Variants in ATP5F1A observed in about 807,000 individuals in gnomAD.
ATP5F1A encodes the protein ATP synthase F1 subunit alpha, also known as ATP synthase F(1) complex subunit alpha, mitochondrial.
A neutral mutation model predicts 57.4 loss-of-function variants in ATP5F1A; 24 were observed. That is an observed-to-expected ratio of 0.42 (90% CI 0.30 to 0.59). ATP5F1A has a LOEUF of 0.59. Ranked by LOEUF, ATP5F1A falls within the 20% of genes least tolerant of loss-of-function variation. ATP5F1A has a pLI of 0.19. For missense variants in ATP5F1A, 494 were observed against 707.9 expected, an observed-to-expected ratio of 0.70 and a Z score of 3.43; for synonymous variants, 251 against 255.5, an observed-to-expected ratio of 0.98 and a Z score of 0.17.
At position 46,087,543 on chromosome 18, in the gene ATP5F1A, G is replaced by C. The variant is rs1248604304; in HGVS notation, c.800-51C>G. On this transcript the variant is annotated intron_variant, in intron 6 of 11. Coordinates refer to ENST00000398752, the MANE Select transcript of ATP5F1A (RefSeq NM_004046.6). ...ATCAATATTGTGGTTTTAAATTGGA[G>C]GCTACTATAAAAATTACCTAAGTGC... 5 of 1,585,890 alleles carry C rather than the reference G, an allele frequency of 3.2e-6. No homozygotes were observed. The Admixed American group carries it at 8.9e-5, about 28-fold the overall frequency.
intron 3 of ATP5F1A, among the ~76,000 whole-genome samples, chr18:46,091,345 G>T (rs1910536872): frequency 6.6e-6 from 1 of 152,184 alleles, no homozygotes; most frequent in African/African-American, 2.4e-5. Context: ...GAAAAATTTT[G>T]TTGAAGTTAT....
chr18:46,098,773 G>T (rs753614774), upstream of ATP5F1A, among the ~76,000 whole-genome samples: 1 of 152,196 alleles, frequency 6.6e-6, no homozygotes, highest in African/African-American at 2.4e-5. Context: ...GCAGATCTTA[G>T]CCCCACTTCA....
chr18:46,097,985 C>A (rs1403065853), intron 1 of ATP5F1A, 187 bp downstream of exon 1: 2 of 1,410,280 alleles, frequency 1.4e-6, no homozygotes. Context: ...TACCATTCTG[C>A]CTCTGCGCAG....
intron 1 of ATP5F1A, chr18:46,097,840 T>G (rs531103646): frequency 9.2e-5 from 104 of 1,134,562 alleles, no homozygotes; most frequent in Non-Finnish European, 1.1e-4. Context: ...CCTCACCGAT[T>G]CAGAACAGGC....
At chr18:46,099,126 G>A (rs369523686), upstream of ATP5F1A, among the ~76,000 whole-genome samples, 9 of 152,098 alleles carry the variant, frequency 5.9e-5, no homozygotes, top group African/African-American at 2.2e-4. Context: ...CAATCACAAG[G>A]AGGCCTAGAA....
Position 46,081,674 on chromosome 18 carries a change from A to AT in ATP5F1A, c.*2607_*2608insA, listed in dbSNP as rs1909749766. 1.2e-5 allele frequency: 1 copy of AT among 86,088 alleles called. No individual in the cohort carries two copies. The highest frequency in any genetic ancestry group is 5.1e-5 in the African/African-American group (1 of 19,436). 5.3% of individuals were successfully genotyped at this position (86,088 alleles called of 1,614,324 possible). ...AGCAAAACTCTCAAAAAAAAAAAAC[A>AT]AAAAAAAAAAAAAAAAAAAAAAACG... On this transcript the variant is annotated 3_prime_UTR_variant, in exon 12 of 12. Transcript: ENST00000398752.
chr18:46,084,038 C>T lies in ATP5F1A; in HGVS notation c.*244G>A. On this transcript the variant is annotated 3_prime_UTR_variant, in exon 12 of 12. Coordinates refer to ENST00000398752, the MANE Select transcript of ATP5F1A (RefSeq NM_004046.6). ...AAGAGCTCAGCCTTGAATTATCTAG[C>T]CCAGTTGACTGTACCAATATTCAAG... 2.6e-6 allele frequency: 1 copy of T among 385,330 alleles called. No homozygotes were observed. The highest frequency in any genetic ancestry group is 4.6e-6 in the Non-Finnish European group (1 of 218,868). The allele number at this position is 385,330 out of a possible 1,614,324, so 23.9% of individuals were successfully genotyped here.
Position 46,082,557 on chromosome 18 carries a change from G to A in ATP5F1A, c.*1725C>T. 6.6e-6 allele frequency: 1 copy of A among 152,052 alleles called. No homozygotes were observed. The highest frequency in any genetic ancestry group is 1.5e-5 in the Non-Finnish European group (1 of 68,086). 9.4% of individuals were successfully genotyped at this position (152,052 alleles called of 1,614,324 possible). ...AAATTAGCAGGGCATGGTGGTGGGTGCCTGTAGTTCCAGCTTCTCGGGAGG... is the reference window on the plus strand; with the variant it reads ...AAATTAGCAGGGCATGGTGGTGGGTACCTGTAGTTCCAGCTTCTCGGGAGG... On this transcript the variant is annotated 3_prime_UTR_variant, in exon 12 of 12. Coordinates refer to ENST00000398752, the MANE Select transcript of ATP5F1A (RefSeq NM_004046.6).
chr18:46,099,679 C>T (rs1022135084), upstream of ATP5F1A, among the ~76,000 whole-genome samples: 1 of 151,968 alleles, frequency 6.6e-6, no homozygotes, highest in African/African-American at 2.4e-5. Flanking sequence ...AGGCTGGTCT[C>T]GAACTCCTGG....
exon 1 of ATP5F1A, chr18:46,104,211 G>T: frequency 2.4e-6 from 1 of 417,798 alleles, no homozygotes. Context: ...AAGTGGCAAC[G>T]AAGCGAGGCT....
intron 1 of ATP5F1A, among the ~76,000 whole-genome samples, chr18:46,103,548 C>G (rs1257332891): frequency 7.3e-6 from 1 of 137,588 alleles, no homozygotes; most frequent in African/African-American, 2.8e-5. Flanking sequence ...TGGCAGTGAG[C>G]TGAGAGCCGA....
upstream of ATP5F1A, among the ~76,000 whole-genome samples, chr18:46,102,025 T>G (rs574301526): frequency 1.1e-4 from 17 of 151,734 alleles, no homozygotes; most frequent in African/African-American, 3.9e-4. Flanking sequence ...GTACAAAAAA[T>G]TAGCCGGGTG....
intron 3 of ATP5F1A, 79 bp from the exon 4 acceptor site, chr18:46,090,075 A>C: frequency 5.9e-5 from 8 of 135,916 alleles, no homozygotes; most frequent in East Asian, 2.1e-4. Flanking sequence ...ATAAGAAAAT[A>C]GTCGGGGGGT....
chr18:46,084,297 A>G lies in ATP5F1A; in HGVS notation c.1647T>C (p.Ala549=). The change falls in exon 12 of 12, where the codon GCT becomes GCC. Residue 549 remains alanine (A), a synonymous_variant. Transcript: ENST00000398752. Reference sequence around the variant, plus strand: ...CCACAGGAGTTTAAGCTTCAAATCCAGCCAAGAAATTTGTTACAATCTCTT... The same window carrying G: ...CCACAGGAGTTTAAGCTTCAAATCCGGCCAAGAAATTTGTTACAATCTCTT... ...KLKEIVTNFL[A]GFEA 1.9e-6 allele frequency: 3 copies of G among 1,612,626 alleles called. No individual in the cohort carries two copies. Among genetic ancestry groups the G allele is most frequent in the Non-Finnish European group, 2.5e-6 (3 of 1,179,838 alleles).
intron 5 of ATP5F1A, chr18:46,088,596 A>G (rs1272459914): frequency 2.9e-5 from 5 of 171,944 alleles, no homozygotes; most frequent in Non-Finnish European, 6.1e-5. Flanking sequence ...CAGGGACACA[A>G]TGCACTGTGG....
intron 1 of ATP5F1A, 90 bp downstream of exon 1, chr18:46,098,082 T>C (rs1011350415): frequency 1.9e-5 from 28 of 1,474,616 alleles, no homozygotes; most frequent in Non-Finnish European, 2.4e-5. Context: ...CCACAGCCCC[T>C]CGCCCTCCTG....
At chr18:46,087,709 G>C in intron 6 of ATP5F1A, 2 of 531,536 alleles carry the variant, frequency 3.8e-6, no homozygotes, top group Non-Finnish European at 6.6e-6. Context: ...AGGAAACTCC[G>C]TCTCTACTAA....
At position 46,087,473 on chromosome 18, in the gene ATP5F1A, A is replaced by G. The variant is rs1568245817; in HGVS notation, c.819T>C (p.Ile273=). ...LTDADAMKYT[I]VVSATASDAA... is the part of the protein sequence containing the mutation. ...CATCCGAGGCCGTAGCCGACACCAC[A>G]ATGGTGTACTTCATGGCATCTGAGA... is the stretch of plus-strand genomic sequence containing the variant. The change falls in exon 7 of 12, where the codon ATT becomes ATC. Residue 273 remains isoleucine (I), a synonymous_variant. Transcript: ENST00000398752. 1.2e-6 allele frequency: 2 copies of G among 1,614,144 alleles called. No homozygotes were observed. Among genetic ancestry groups the G allele is most frequent in the Non-Finnish European group, 1.7e-6 (2 of 1,180,026 alleles).
exon 1 of ATP5F1A, chr18:46,104,152 T>G: frequency 2.5e-6 from 1 of 395,306 alleles, no homozygotes; most frequent in Non-Finnish European, 4.5e-6. Flanking sequence ...TCTAGGCGGC[T>G]CTATCTCTCG....
Sources: allele counts gnomAD v4.1 joint callset (sites outside exome capture counted in the v4.1 genomes callset), GRCh38; gene constraint gnomAD v4.1.1; transcripts MANE v1.5; gene names NCBI Gene and HGNC (gene_info 2026-07-23, HGNC 2026-07-21).